PICALM: variants seen among roughly 807,000 people sequenced by gnomAD.
PICALM encodes phosphatidylinositol-binding clathrin assembly protein.
Under a neutral mutation model 80.5 loss-of-function variants are expected in PICALM, and 40 were observed. The observed-to-expected ratio is 0.50, with a 90% confidence interval of 0.39 to 0.65. PICALM has a LOEUF of 0.65. PICALM is among the 30% of genes least tolerant of loss of function. The pLI is 0.00. For synonymous variants in PICALM, 288 were observed against 260.3 expected (o/e 1.11, Z -1.02); for missense variants, 676 against 778.9 (o/e 0.87, Z 1.57).
At chr11:85,998,761 GAGTA>G (rs749760178) in intron 11 of PICALM, among the ~76,000 whole-genome samples, 41 of 152,272 alleles carry the variant, frequency 2.7e-4, no homozygotes, top group South Asian at 2.3e-3. Flanking sequence ...CTGGGTGACA[GAGTA>G]AGTCACTGTC....
intron 19 of PICALM, among the ~76,000 whole-genome samples, chr11:85,970,540 A>G (rs639012): frequency 0.71 from 108,529 of 152,172 alleles, 39,151 homozygotes; most frequent in African/African-American, 0.84. Context: ...CTTAGGCTGG[A>G]CACAGTGGCT....
chr11:86,017,208 G>A (rs1408541874), intron 4 of PICALM, among the ~76,000 whole-genome samples: 1 of 125,636 alleles, frequency 8.0e-6, no homozygotes, highest in Non-Finnish European at 1.7e-5. Context: ...GGGTGACAGA[G>A]TGAGACTCTG....
chr11:85,986,755 A>G (rs1365203159), intron 13 of PICALM, among the ~76,000 whole-genome samples: 1 of 152,210 alleles, frequency 6.6e-6, no homozygotes, highest in Non-Finnish European at 1.5e-5. Context: ...CACTATTCTA[A>G]AAGAGAAAGT....
intron 13 of PICALM, among the ~76,000 whole-genome samples, chr11:85,984,661 T>C (rs2094528594): frequency 6.6e-6 from 1 of 152,174 alleles, no homozygotes; most frequent in Admixed American, 6.5e-5. Context: ...AGCATACTAA[T>C]TAAGGTGACT....
chr11:85,999,244 T>C (rs2095070454), intron 11 of PICALM, among the ~76,000 whole-genome samples: 1 of 152,224 alleles, frequency 6.6e-6, no homozygotes, highest in African/African-American at 2.4e-5. Context: ...GTACAATAGT[T>C]GTGTAGATAG....
intron 12 of PICALM, among the ~76,000 whole-genome samples, chr11:85,995,261 G>A (rs189333813): frequency 8.8e-4 from 134 of 152,096 alleles, no homozygotes; most frequent in Non-Finnish European, 1.4e-3. Flanking sequence ...CTTAATATGG[G>A]GGAAATTTTT....
intron 1 of PICALM, among the ~76,000 whole-genome samples, chr11:86,050,432 A>T (rs683494): frequency 0.52 from 79,668 of 151,898 alleles, 21,688 homozygotes; most frequent in African/African-American, 0.68. Flanking sequence ...CAGCCACAAA[A>T]ACTGATGCAG....
intron 1 of PICALM, among the ~76,000 whole-genome samples, chr11:86,044,669 G>T (rs2096037720): frequency 1.3e-5 from 2 of 152,296 alleles, no homozygotes; most frequent in Admixed American, 1.3e-4. Context: ...GACCATTACT[G>T]GCTCATGACC....
Position 85,974,817 on chromosome 11 carries a change from A to G in PICALM, c.1840-5T>C, listed in dbSNP as rs1254450044. 1 of 1,579,826 alleles carries G rather than the reference A, an allele frequency of 6.3e-7. No homozygotes were observed. Among genetic ancestry groups the G allele is most frequent in the East Asian group, 2.2e-5 (1 of 44,708 alleles). On this transcript the variant is annotated splice_polypyrimidine_tract_variant and splice_region_variant and intron_variant, in intron 18 of 19. Transcript: ENST00000393346. ...AACACTTCCCATTTGTGGAGGCTAA[A>G]AAAGAGAAAAATATCAAAAGATACT...
chr11:86,049,428 T>C (rs775995090), intron 1 of PICALM, among the ~76,000 whole-genome samples: 7 of 152,362 alleles, frequency 4.6e-5, no homozygotes, highest in Non-Finnish European at 8.8e-5. Flanking sequence ...CTCCATTTTG[T>C]ATGTATCAAT....
chr11:86,066,632 TAA>T (rs1318476058), intron 1 of PICALM, among the ~76,000 whole-genome samples: 2 of 151,526 alleles, frequency 1.3e-5, no homozygotes, highest in African/African-American at 4.9e-5. Context: ...ACATTTGAAA[TAA>T]GACACAAACC....
At position 86,027,268 on chromosome 11, in the gene PICALM, T is replaced by C. The variant is rs181392001; in HGVS notation, c.274-901A>G. On this transcript the variant is annotated intron_variant, in intron 2 of 19. Coordinates refer to ENST00000393346, the MANE Select transcript of PICALM (RefSeq NM_007166.4). ...AGGATATATACCTAGGGATGAATTA[T>C]TAGGCCAGCACATATGTAAAAGCTC... Among the ~76,000 whole-genome samples the C allele has an allele frequency of 4.4e-3, 674 of 152,304 alleles. 2 individuals are homozygous for C. The highest frequency in any genetic ancestry group is 7.8e-3 in the Non-Finnish European group (533 of 68,018).
intron 2 of PICALM, among the ~76,000 whole-genome samples, chr11:86,027,915 A>T (rs1164784156): frequency 6.6e-6 from 1 of 152,242 alleles, no homozygotes; most frequent in Non-Finnish European, 1.5e-5. Flanking sequence ...TTTCACAATT[A>T]TCCTAAAATA....
At position 86,001,032 on chromosome 11, in the gene PICALM, TA is replaced by T. The variant is rs1424979367; in HGVS notation, c.1017+2del. ...TCGAAATAAGGAGAATGCACAAACT[TA>T]CCTTTAAAGCTTTCAAACGTGCCTG... On this transcript the variant is annotated splice_donor_variant, in intron 10 of 19. Coordinates refer to ENST00000393346, the MANE Select transcript of PICALM (RefSeq NM_007166.4). LOFTEE classifies it high-confidence loss of function. 6.2e-7 allele frequency: 1 copy of T among 1,613,760 alleles called. No homozygotes were observed. The highest frequency in any genetic ancestry group is 8.5e-7 in the Non-Finnish European group (1 of 1,179,894).
intron 1 of PICALM, among the ~76,000 whole-genome samples, chr11:86,051,529 C>T (rs893927371): frequency 6.6e-6 from 1 of 152,028 alleles, no homozygotes; most frequent in Non-Finnish European, 1.5e-5. Flanking sequence ...GGCATGGTAG[C>T]GTGCACTCAC....
chr11:85,991,790 A>T (rs906635399), intron 12 of PICALM, among the ~76,000 whole-genome samples: 1 of 152,214 alleles, frequency 6.6e-6, no homozygotes, highest in Non-Finnish European at 1.5e-5. Flanking sequence ...GAAAACAGTA[A>T]TTCAGAAATA....
intron 17 of PICALM, 54 bp from the exon 18 acceptor site, chr11:85,976,736 T>C (rs2094295575): frequency 3.8e-6 from 4 of 1,046,232 alleles, no homozygotes; most frequent in Non-Finnish European, 6.0e-6. Context: ...GTGTGTCAAC[T>C]GAGTTCAAGG....
At chr11:86,018,245 G>A (rs1436667907) in intron 4 of PICALM, among the ~76,000 whole-genome samples, 2 of 152,144 alleles carry the variant, frequency 1.3e-5, no homozygotes, top group African/African-American at 4.8e-5. Context: ...AATAAAACAA[G>A]TATGGCATTC....
chr11:85,983,358 A>G (rs1162225452), intron 14 of PICALM, among the ~76,000 whole-genome samples: 1 of 152,198 alleles, frequency 6.6e-6, no homozygotes, highest in African/African-American at 2.4e-5. Context: ...ATGAACCATA[A>G]TAAGAATCAT....
Sources: allele counts gnomAD v4.1 joint callset (sites outside exome capture counted in the v4.1 genomes callset), GRCh38; gene constraint gnomAD v4.1.1; transcripts MANE v1.5; gene names NCBI Gene and HGNC (gene_info 2026-07-23, HGNC 2026-07-21).